SBK1: variants seen among roughly 807,000 people sequenced by gnomAD.
The protein encoded by SBK1 is serine/threonine-protein kinase SBK1.
In SBK1, 11 loss-of-function variants were observed where a neutral mutation model predicts 24.4. The observed-to-expected ratio is 0.45, with a 90% confidence interval of 0.28 to 0.75. SBK1 has a LOEUF of 0.75. Among genes scored for constraint, SBK1 ranks in the 30% least tolerant of loss-of-function variants. The probability of loss-of-function intolerance (pLI) is 0.12; values close to 1 mark genes in which losing one functional copy is unlikely to be tolerated. For missense variants in SBK1, 467 were observed against 620.5 expected, an observed-to-expected ratio of 0.75 and a Z score of 2.63; for synonymous variants, 308 against 284.4, an observed-to-expected ratio of 1.08 and a Z score of -0.83.
At position 28,259,390 on chromosome 16, in the gene SBK1, C is replaced by A. The variant is rs1057095643; in HGVS notation, c.145C>A (p.Leu49Met). The change falls in exon 1 of 4, where the codon CTG (leucine) becomes ATG (methionine). Residue 49 changes from leucine (L) to methionine (M), a missense_variant. By Grantham distance (15) the Leu-to-Met change is conservative (BLOSUM62 2). Transcript: ENST00000671413. The surrounding 1 kb of genome is among the most constrained non-coding windows in gnomAD (Gnocchi z 6.0). ...TGGCCACCCCTGCCCTGTCCTGGAG[C>A]TGCCTCCGGCCTGGCCCATGGGCTG... 4.2e-5 allele frequency: 41 copies of A among 967,370 alleles called. No homozygotes were observed. Among genetic ancestry groups the A allele is most frequent in the Admixed American group, 1.2e-4 (2 of 16,278 alleles). The allele number at this position is 967,370 out of a possible 1,614,324, so 59.9% of individuals were successfully genotyped here. A position where few individuals can be genotyped will look rare whatever the true frequency, so the allele number is the denominator to read the frequency against.
At position 28,317,321 on chromosome 16, in the gene SBK1, A is replaced by G; in HGVS notation, c.-7-64A>G. On this transcript the variant is annotated intron_variant, in intron 1 of 3. Transcript: ENST00000341901. The surrounding 1 kb of genome is among the most constrained non-coding windows in gnomAD (Gnocchi z 4.2). ...GTTTTCTGGGTTCTGGGGAGGGCAG[A>G]GGGGCTGGAGGAGGGGACCCTTGCC... 2 of 1,270,276 alleles carry G rather than the reference A, an allele frequency of 1.6e-6. No individual in the cohort carries two copies. The allele number at this position is 1,270,276 out of a possible 1,614,324, so 78.7% of individuals were successfully genotyped here.
chr16:28,285,029 C>T (rs1410677888), intron 1 of SBK1: 2 of 152,226 alleles, frequency 1.3e-5, no homozygotes, highest in African/African-American at 4.8e-5. Context: ...TCACTGCAGC[C>T]TTGACTTTGT....
intron 1 of SBK1, among the ~76,000 whole-genome samples, chr16:28,304,854 C>T (rs1159310297): frequency 3.3e-5 from 5 of 152,062 alleles, no homozygotes; most frequent in African/African-American, 9.7e-5. Flanking sequence ...GTGATCCGCC[C>T]GCCTCTGCCT....
intron 1 of SBK1, among the ~76,000 whole-genome samples, chr16:28,277,900 G>C (rs1035714315): frequency 2.6e-5 from 4 of 152,252 alleles, no homozygotes; most frequent in African/African-American, 4.8e-5. Context: ...TATGCGGACC[G>C]GCCGGCAAGC....
At chr16:28,261,474 CA>C (rs2044397312) in intron 1 of SBK1, among the ~76,000 whole-genome samples, 1 of 143,196 alleles carries the variant, frequency 7.0e-6, no homozygotes, top group East Asian at 2.0e-4. Flanking sequence ...CACACACACA[CA>C]CACAATTAGC....
intron 1 of SBK1, among the ~76,000 whole-genome samples, chr16:28,313,766 T>G (rs1267302996): frequency 6.6e-6 from 1 of 151,860 alleles, no homozygotes; most frequent in Admixed American, 6.6e-5. Context: ...CGTTTGGGGC[T>G]GGGTGGGAGG....
At chr16:28,310,513 C>T (rs1053953684) in intron 1 of SBK1, among the ~76,000 whole-genome samples, 5 of 152,234 alleles carry the variant, frequency 3.3e-5, no homozygotes, top group Non-Finnish European at 4.4e-5. Flanking sequence ...GAGCCAATAC[C>T]AATGCTAGCT....
Position 28,323,778 on chromosome 16 carries a change from T to C in SBK1, c.*2857T>C, listed in dbSNP as rs1165565664. 6.6e-6 allele frequency: 1 copy of C among 152,598 alleles called. No individual in the cohort carries two copies. The highest frequency in any genetic ancestry group is 1.5e-5 in the Non-Finnish European group (1 of 68,038). 9.5% of individuals were successfully genotyped at this position (152,598 alleles called of 1,614,324 possible). On this transcript the variant is annotated 3_prime_UTR_variant, in exon 4 of 4. Transcript: ENST00000341901. ...CTGGCATCCTTTGGCCCTGAGAAGG[T>C]TTTTAAATGTGTTATTTACTTCTCT...
At chr16:28,297,574 G>A (rs1442251946) in intron 1 of SBK1, among the ~76,000 whole-genome samples, 4 of 152,194 alleles carry the variant, frequency 2.6e-5, no homozygotes, top group African/African-American at 9.7e-5. Flanking sequence ...GATGCTGTGT[G>A]ACCTTCAGCA....
At chr16:28,271,780 T>C (rs1177767743) in intron 1 of SBK1, among the ~76,000 whole-genome samples, 2 of 151,888 alleles carry the variant, frequency 1.3e-5, no homozygotes, top group Non-Finnish European at 2.9e-5. Flanking sequence ...AAACAAGTAC[T>C]CCCCTCTCCA....
chr16:28,304,234 G>A (rs1389266539), intron 1 of SBK1, among the ~76,000 whole-genome samples: 1 of 152,152 alleles, frequency 6.6e-6, no homozygotes, highest in Non-Finnish European at 1.5e-5. Context: ...TGGGGGCCTG[G>A]GTTCCAGTTC....
chr16:28,280,049 A>G (rs995431418), intron 1 of SBK1, among the ~76,000 whole-genome samples: 22 of 144,672 alleles, frequency 1.5e-4, no homozygotes, highest in Non-Finnish European at 2.9e-4. Context: ...TGGCACAAAC[A>G]TAGCTCACTG....
At chr16:28,260,955 G>A (rs2044393570) in intron 1 of SBK1, among the ~76,000 whole-genome samples, 1 of 152,140 alleles carries the variant, frequency 6.6e-6, no homozygotes, top group African/African-American at 2.4e-5. Flanking sequence ...TGAGGAAAGG[G>A]CATCGCAGGC....
At chr16:28,290,270 T>G (rs2044590258), upstream of SBK1, 1 of 152,152 alleles carries the variant, frequency 6.6e-6, no homozygotes, top group South Asian at 2.1e-4. Context: ...CTTGGCAGTT[T>G]TATGTAAGAC....
intron 1 of SBK1, among the ~76,000 whole-genome samples, chr16:28,294,178 G>C (rs1200452860): frequency 6.6e-6 from 1 of 152,064 alleles, no homozygotes; most frequent in African/African-American, 2.4e-5. Flanking sequence ...ACCCCAGCCT[G>C]GCCCTCAGTG....
At chr16:28,297,335 A>G (rs2044647936) in intron 1 of SBK1, among the ~76,000 whole-genome samples, 2 of 152,196 alleles carry the variant, frequency 1.3e-5, no homozygotes, top group African/African-American at 2.4e-5. Context: ...CGTCTCAAAA[A>G]AAAAGAAACA....
intron 1 of SBK1, among the ~76,000 whole-genome samples, chr16:28,261,765 A>G (rs779835508): frequency 1.4e-4 from 21 of 152,226 alleles, no homozygotes; most frequent in Non-Finnish European, 2.8e-4. Flanking sequence ...AGTTTCCTCC[A>G]GGTGAACAAC....
chr16:28,267,592 A>T (rs980840262), intron 1 of SBK1, among the ~76,000 whole-genome samples: 1 of 152,210 alleles, frequency 6.6e-6, no homozygotes, highest in African/African-American at 2.4e-5. Context: ...AGTGAGAACT[A>T]ATCAACTGAA....
At chr16:28,266,994 C>A (rs2044433246) in intron 1 of SBK1, among the ~76,000 whole-genome samples, 1 of 152,080 alleles carries the variant, frequency 6.6e-6, no homozygotes, top group Admixed American at 6.6e-5. Context: ...TCAACCTCTG[C>A]CTCCAGGGTT....
Sources: allele counts gnomAD v4.1 joint callset (sites outside exome capture counted in the v4.1 genomes callset), GRCh38; gene constraint gnomAD v4.1.1; non-coding constraint Gnocchi (gnomAD v3.1); transcripts MANE v1.5; gene names NCBI Gene and HGNC (gene_info 2026-07-23, HGNC 2026-07-21).